ZFHX3: variants seen among roughly 807,000 people sequenced by gnomAD.
The protein encoded by ZFHX3 is zinc finger homeobox protein 3.
In ZFHX3, 42 loss-of-function variants were observed where a neutral mutation model predicts 279.1. The ratio of observed to expected loss-of-function variants is 0.15; its 90% CI spans 0.12 to 0.19. ZFHX3 has a LOEUF of 0.19. ZFHX3 is among the 10% of genes least tolerant of loss of function. The pLI is 1.00. For missense variants in ZFHX3, 4,981 were observed against 4,754.0 expected, an observed-to-expected ratio of 1.05 and a Z score of -1.40; for synonymous variants, 2,293 against 1,957.8, an observed-to-expected ratio of 1.17 and a Z score of -4.52.
intron 2 of ZFHX3, among the ~76,000 whole-genome samples, 153 bp from the exon 3 acceptor site, chr16:72,951,118 A>T (rs973205228): frequency 2.0e-5 from 3 of 152,216 alleles, no homozygotes; most frequent in African/African-American, 7.2e-5. Context: ...CTGGAAAACA[A>T]GCAAACAAAC....
At chr16:73,090,238 A>G (rs1966056816) in intron 8 of ZFHX3, among the ~76,000 whole-genome samples, 3 of 152,006 alleles carry the variant, frequency 2.0e-5, no homozygotes, top group African/African-American at 7.3e-5. Flanking sequence ...TATGAAAAAT[A>G]CAAAAATTAG....
chr16:73,322,258 A>G (rs2015589584), intron 3 of ZFHX3, among the ~76,000 whole-genome samples: 1 of 146,160 alleles, frequency 6.8e-6, no homozygotes, highest in Non-Finnish European at 1.5e-5. Flanking sequence ...GAAAAGAGAG[A>G]ACGCATTTGA....
At chr16:73,834,376 T>C (rs1961082994) in intron 1 of ZFHX3, among the ~76,000 whole-genome samples, 1 of 152,192 alleles carries the variant, frequency 6.6e-6, no homozygotes, top group South Asian at 2.1e-4. Context: ...GTCTGGTAAG[T>C]AAAGCCCAGA....
intron 1 of ZFHX3, among the ~76,000 whole-genome samples, chr16:72,964,786 C>A (rs1961753815): frequency 6.6e-6 from 1 of 152,062 alleles, no homozygotes; most frequent in Non-Finnish European, 1.5e-5. Flanking sequence ...CATACCCACA[C>A]TAGGAGATAG....
intron 1 of ZFHX3, among the ~76,000 whole-genome samples, chr16:73,691,407 G>A (rs1185870637): frequency 2.0e-5 from 3 of 152,220 alleles, no homozygotes; most frequent in Non-Finnish European, 2.9e-5. Context: ...GTCCATGAAA[G>A]AGTAATATTA....
chr16:73,801,872 C>G (rs1001223723), intron 1 of ZFHX3, among the ~76,000 whole-genome samples: 11 of 152,172 alleles, frequency 7.2e-5, no homozygotes, highest in Non-Finnish European at 7.3e-5. Context: ...CTTTCTCTGC[C>G]TCAGTTGTCT....
At chr16:73,089,079 A>G (rs1966042258) in intron 8 of ZFHX3, among the ~76,000 whole-genome samples, 1 of 152,006 alleles carries the variant, frequency 6.6e-6, no homozygotes, top group Non-Finnish European at 1.5e-5. Flanking sequence ...GTAATGTTAC[A>G]CCTTTTTTTA....
In ZFHX3 at chr16:72,984,456, G is replaced by A. The variant is rs151240164; in HGVS notation, c.-49-24262C>T. ...AGCCTGGGCAACACAGTGCGACCTC[G>A]TCTCTATAAATCCTTAAAAATTAGC... On this transcript the variant is annotated intron_variant, in intron 1 of 9. Coordinates refer to ENST00000268489, the MANE Select transcript of ZFHX3 (RefSeq NM_006885.4). Among the ~76,000 whole-genome samples, 442 of 151,986 alleles carry A rather than the reference G, an allele frequency of 2.9e-3. 2 individuals are homozygous for A. Among genetic ancestry groups the A allele is most frequent in the African/African-American group, 1.0e-2 (414 of 41,436 alleles).
intron 5 of ZFHX3, among the ~76,000 whole-genome samples, chr16:73,159,213 G>A (rs1967168005): frequency 6.6e-6 from 1 of 152,222 alleles, no homozygotes; most frequent in African/African-American, 2.4e-5. Context: ...CATCTATAAG[G>A]AACTTAAACA....
chr16:73,873,981 A>T lies in ZFHX3; in HGVS notation c.-1608+17670T>A, dbSNP rs186136891. On this transcript the variant is annotated intron_variant, in intron 1 of 17. Coordinates refer to the ZFHX3 transcript ENST00000641206. ...GAGAGGAAAAAAAAGTAAGAAGAAA[A>T]AAAAAAGAAACAAAGGTATTGCTAC... 5.3e-5 allele frequency among the ~76,000 whole-genome samples: 8 copies of T among 152,324 alleles called. No individual in the cohort carries two copies. In the East Asian group the frequency reaches 1.5e-3, roughly 29 times the overall value.
chr16:72,837,628 G>A (rs1309228222), intron 4 of ZFHX3, among the ~76,000 whole-genome samples: 1 of 143,258 alleles, frequency 7.0e-6, no homozygotes, highest in African/African-American at 3.0e-5. Flanking sequence ...ACCACGCCTA[G>A]ATAATTTTTG....
At chr16:73,157,705 A>T (rs1186056622) in intron 5 of ZFHX3, among the ~76,000 whole-genome samples, 1 of 152,036 alleles carries the variant, frequency 6.6e-6, no homozygotes, top group Non-Finnish European at 1.5e-5. Context: ...GAGAGGAAAA[A>T]ACTGTGTAAT....
At chr16:73,574,975 G>A (rs1282628542) in intron 2 of ZFHX3, among the ~76,000 whole-genome samples, 1 of 152,142 alleles carries the variant, frequency 6.6e-6, no homozygotes, top group East Asian at 1.9e-4. Flanking sequence ...ATCTTTAAGT[G>A]TTTAACTTTC....
chr16:72,845,081 G>A (rs1324052334), intron 4 of ZFHX3, among the ~76,000 whole-genome samples: 1 of 152,170 alleles, frequency 6.6e-6, no homozygotes, highest in African/African-American at 2.4e-5. Flanking sequence ...CCTCCGTGTG[G>A]CGGAAAAGAG....
intron 4 of ZFHX3, among the ~76,000 whole-genome samples, chr16:73,295,805 G>T (rs536059635): frequency 2.6e-5 from 4 of 152,202 alleles, no homozygotes; most frequent in Non-Finnish European, 4.4e-5. Flanking sequence ...GGATGGAAGA[G>T]ATGCATAAGC....
chr16:73,745,838 A>G (rs1318391725), intron 1 of ZFHX3, among the ~76,000 whole-genome samples: 2 of 152,154 alleles, frequency 1.3e-5, no homozygotes, highest in African/African-American at 4.8e-5. Context: ...GCTTGGCCTA[A>G]GAGTGTGGCA....
chr16:73,554,405 A>G (rs185341189), intron 2 of ZFHX3: 31 of 152,300 alleles, frequency 2.0e-4, no homozygotes, highest in African/African-American at 7.2e-4. Flanking sequence ...AAGTTAGTGA[A>G]AAAAAAGTGC....
At chr16:72,831,508 C>A (rs1304170840) in intron 4 of ZFHX3, among the ~76,000 whole-genome samples, 1 of 152,176 alleles carries the variant, frequency 6.6e-6, no homozygotes, top group Non-Finnish European at 1.5e-5. Flanking sequence ...AATCAGGCAA[C>A]CACAGCTTGA....
Position 72,957,823 on chromosome 16 carries a change from C to A in ZFHX3, c.2323G>T (p.Ala775Ser). 1 of 1,607,398 alleles carries A rather than the reference C, an allele frequency of 6.2e-7. No individual in the cohort carries two copies. The highest frequency in any genetic ancestry group is 8.5e-7 in the Non-Finnish European group (1 of 1,176,302). The change falls in exon 2 of 10, where the codon GCG becomes TCG. Residue 775 changes from alanine to serine, a missense_variant. By Grantham distance (99) the Ala-to-Ser change is moderately conservative. This residue lies in a region of ZFHX3 where 1,751 missense variants were observed against 1,770.0 expected (regional missense o/e 0.99). Transcript: ENST00000268489. ...GCCGCCGCCGCCGCAGCCACCGCCG[C>A]CGCCGCCGCCCCGGCAGTGTGGCTG... Reference protein sequence around the residue: ...VFSHTAGAAAAAVAAAAAAAN... With the variant: ...VFSHTAGAAASAVAAAAAAAN...
Sources: allele counts gnomAD v4.1 joint callset (sites outside exome capture counted in the v4.1 genomes callset), GRCh38; gene constraint gnomAD v4.1.1; regional missense constraint gnomAD v4.1.1; transcripts MANE v1.5; gene names NCBI Gene and HGNC (gene_info 2026-07-23, HGNC 2026-07-21).